The following CARS1 variants were observed in gnomAD, a reference collection of about 807,000 sequenced individuals.
CARS1 encodes cysteinyl-tRNA synthetase 1.
CARS1 carries 48 observed loss-of-function variants against 106.2 expected under a neutral mutation model. The ratio of observed to expected loss-of-function variants is 0.45; its 90% confidence interval spans 0.36 to 0.57. The LOEUF (loss-of-function observed/expected upper bound fraction) is 0.57, where lower values mean the gene tolerates loss of function less well. CARS1 is among the 20% of genes least tolerant of loss of function. CARS1 has a pLI of 0.00. For missense variants in CARS1, 968 were observed against 1,057.2 expected (o/e 0.92, Z 1.17); for synonymous variants, 409 against 403.4 (o/e 1.01, Z -0.17).
chr11:3,055,165 ATT>A (rs369101566), intron 1 of CARS1: 491 of 466,960 alleles, frequency 1.1e-3, no homozygotes, highest in Middle Eastern at 2.4e-3. Flanking sequence ...TTACGATTGG[ATT>A]TTTTTTTTTT....
Position 3,046,331 on chromosome 11 carries a change from GC to G in CARS1, c.274+1421del, listed in dbSNP as rs1257431760. On this transcript the variant is annotated intron_variant, in intron 2 of 22. Transcript: ENST00000380525. The surrounding 1 kb of genome is among the most constrained non-coding windows in gnomAD (Gnocchi z 5.8). ...GGCCCGCTTCACCCTCCCTAATCCT[GC>G]CCCCCTCTGGCTGTGTCTTGGAATG... 2.0e-5 allele frequency among the ~76,000 whole-genome samples: 3 copies of G among 152,112 alleles called. No homozygotes were observed. The highest frequency in any genetic ancestry group is 7.2e-5 in the African/African-American group (3 of 41,402).
chr11:3,004,494 C>G lies in CARS1; in HGVS notation c.2217+872G>C, dbSNP rs559683218. Among the ~76,000 whole-genome samples, 1 of 152,328 alleles carries G rather than the reference C, an allele frequency of 6.6e-6. No homozygotes were observed. The highest frequency in any genetic ancestry group is 2.1e-4 in the South Asian group (1 of 4,830). On this transcript the variant is annotated intron_variant, in intron 20 of 22. Coordinates refer to ENST00000380525, the MANE Select transcript of CARS1 (RefSeq NM_001014437.3). This position sits in a 1 kb window ranked among gnomAD's most constrained non-coding sequence, Gnocchi z 5.2. ...CCAAACTCGCCCTCCACGGTGGTCT[C>G]CTGCTTTAAGCCTCTTGGGGACCCA...
In CARS1 at chr11:3,040,708, A is replaced by T. The variant is rs1247774884; in HGVS notation, c.455+188T>A. On this transcript the variant is annotated intron_variant, in intron 4 of 22. Coordinates refer to ENST00000380525, the MANE Select transcript of CARS1 (RefSeq NM_001014437.3). This position sits in a 1 kb window ranked among gnomAD's most constrained non-coding sequence, Gnocchi z 5.8. The stretch of plus-strand genomic sequence containing the variant: ...TGTAGTCTTTCTGCAGTGAATATAG[A>T]TTACTTATGGCATTAAAATTTTCAT... 4 of 683,514 alleles carry T rather than the reference A, an allele frequency of 5.9e-6. No individual in the cohort carries two copies. The African/African-American group carries it at 7.2e-5, about 12-fold the overall frequency. 42.3% of individuals were successfully genotyped at this position (683,514 alleles called of 1,614,324 possible).
In CARS1 at chr11:3,027,828, G is replaced by GTTT. The variant is rs536323059; in HGVS notation, c.1032-1032_1032-1031insAAA. The GTTT allele has an allele frequency of 2.5e-3, 1,152 of 454,820 alleles. 8 individuals carry two copies. Among genetic ancestry groups the GTTT allele is most frequent in the Middle Eastern group, 6.7e-3 (14 of 2,100 alleles). 28.2% of individuals were successfully genotyped at this position (454,820 alleles called of 1,614,324 possible). On this transcript the variant is annotated intron_variant, in intron 9 of 22. Transcript: ENST00000380525. ...AAGCGGACTGTGGTCTAGCGGTAGCGTAAGTGTCAAGGAAAAACACCCGCT... is the reference window on the plus strand; with the variant it reads ...AAGCGGACTGTGGTCTAGCGGTAGCGTTTTAAGTGTCAAGGAAAAACACCCGCT...
At chr11:3,018,046 TG>T in intron 14 of CARS1, 92 bp from the exon 15 acceptor site, 3 of 825,530 alleles carry the variant, frequency 3.6e-6, no homozygotes, top group Non-Finnish European at 5.9e-6. Flanking sequence ...ATTTTATTTT[TG>T]GTAAAAATCT....
In CARS1 at chr11:3,045,118, C is replaced by T. The variant is rs1272466121; in HGVS notation, c.274+2635G>A. On this transcript the variant is annotated intron_variant, in intron 2 of 22. Coordinates refer to ENST00000380525, the MANE Select transcript of CARS1 (RefSeq NM_001014437.3). This position sits in a 1 kb window ranked among gnomAD's most constrained non-coding sequence, Gnocchi z 5.6. ...GGCTGGAAGGGCTGAGCCTCCACTG[C>T]GGGTGAGAAGTGCTCAACAAGTTCA... 1.3e-5 allele frequency among the ~76,000 whole-genome samples: 2 copies of T among 152,106 alleles called. No individual in the cohort carries two copies. Among genetic ancestry groups the T allele is most frequent in the African/African-American group, 2.4e-5 (1 of 41,414 alleles).
Position 3,037,949 on chromosome 11 carries a change from A to C in CARS1, c.801+101T>G, listed in dbSNP as rs907568861. ...CTACTGGAGACACAGAGTGTCTTCCACTAAGACAATCTGTGGAATCAATCC... is the reference window on the plus strand; with the variant it reads ...CTACTGGAGACACAGAGTGTCTTCCCCTAAGACAATCTGTGGAATCAATCC... On this transcript the variant is annotated intron_variant, in intron 7 of 22. Transcript: ENST00000380525. This position sits in a 1 kb window ranked among gnomAD's most constrained non-coding sequence, Gnocchi z 5.9. The C allele has an allele frequency of 8.1e-7, 1 of 1,231,966 alleles. No individual in the cohort carries two copies. The highest frequency in any genetic ancestry group is 1.5e-5 in the African/African-American group (1 of 66,662). The allele number at this position is 1,231,966 out of a possible 1,614,324, so 76.3% of individuals were successfully genotyped here.
chr11:3,019,435 C>T lies in CARS1; in HGVS notation c.1267-168G>A, dbSNP rs191854439. Among the ~76,000 whole-genome samples the T allele has an allele frequency of 3.9e-5, 6 of 152,318 alleles. No homozygotes were observed. Among genetic ancestry groups the T allele is most frequent in the Admixed American group, 3.9e-4 (6 of 15,296 alleles). ...GGAAGGCTGGGCGAGATGGCTCACA[C>T]CTGTAATCCCAGCACTTTGCGATGC... On this transcript the variant is annotated intron_variant, in intron 11 of 22. Coordinates refer to ENST00000380525, the MANE Select transcript of CARS1 (RefSeq NM_001014437.3). The surrounding 1 kb of genome is among the most constrained non-coding windows in gnomAD (Gnocchi z 6.2).
Position 3,038,627 on chromosome 11 carries a change from T to G in CARS1, c.652-428A>C, listed in dbSNP as rs1481133222. ...TTATTCCTGTTTTTAATTCCAGAGA[T>G]AAAATGCCATAAGCATATCCATAAT... is the stretch of plus-strand genomic sequence containing the variant. On this transcript the variant is annotated intron_variant, in intron 6 of 22. Coordinates refer to ENST00000380525, the MANE Select transcript of CARS1 (RefSeq NM_001014437.3). This position sits in a 1 kb window ranked among gnomAD's most constrained non-coding sequence, Gnocchi z 4.0. 6.6e-6 allele frequency among the ~76,000 whole-genome samples: 1 copy of G among 152,194 alleles called. No individual in the cohort carries two copies. Among genetic ancestry groups the G allele is most frequent in the East Asian group, 1.9e-4 (1 of 5,206 alleles).
At chr11:3,047,265 A>G (rs1277860398) in intron 2 of CARS1, among the ~76,000 whole-genome samples, 2 of 143,016 alleles carry the variant, frequency 1.4e-5, no homozygotes, top group Non-Finnish European at 3.0e-5. Flanking sequence ...CGATAGAGCG[A>G]GACTCCATCT....
Position 3,019,279 on chromosome 11 carries a change from C to G in CARS1, c.1267-12G>C. On this transcript the variant is annotated splice_polypyrimidine_tract_variant and intron_variant, in intron 11 of 22. Coordinates refer to ENST00000380525, the MANE Select transcript of CARS1 (RefSeq NM_001014437.3). The surrounding 1 kb of genome is among the most constrained non-coding windows in gnomAD (Gnocchi z 6.2). ...CAGCCCGGACGACCCTGGAGAAAGCCGAACACACAGTGACTGACCAGCCTA... is the reference window on the plus strand; with the variant it reads ...CAGCCCGGACGACCCTGGAGAAAGCGGAACACACAGTGACTGACCAGCCTA... 1 of 1,406,798 alleles carries G rather than the reference C, an allele frequency of 7.1e-7. No homozygotes were observed. The highest frequency in any genetic ancestry group is 9.3e-7 in the Non-Finnish European group (1 of 1,072,058). 87.1% of individuals were successfully genotyped at this position (1,406,798 alleles called of 1,614,324 possible).
rs1375951623 is a variant in CARS1 at position 3,020,768 on chromosome 11, C to G, written c.1154-436G>C. Among the ~76,000 whole-genome samples, 1 of 152,134 alleles carries G rather than the reference C, an allele frequency of 6.6e-6. No homozygotes were observed. The highest frequency in any genetic ancestry group is 1.5e-5 in the Non-Finnish European group (1 of 68,022). On this transcript the variant is annotated intron_variant, in intron 10 of 22. Transcript: ENST00000380525. The surrounding 1 kb of genome is among the most constrained non-coding windows in gnomAD (Gnocchi z 4.6). ...GGGTGGGGTCAATATGTCAAGGGCCCGCACAACTATCTGCTTATGGGTCCC... is the reference window on the plus strand; with the variant it reads ...GGGTGGGGTCAATATGTCAAGGGCCGGCACAACTATCTGCTTATGGGTCCC...
intron 21 of CARS1, 46 bp from the exon 22 acceptor site, chr11:3,002,099 G>T: frequency 7.6e-7 from 1 of 1,310,084 alleles, no homozygotes. Flanking sequence ...AGCAGCACCT[G>T]GGGCTCCGCA....
At position 3,041,255 on chromosome 11, in the gene CARS1, G is replaced by A; in HGVS notation, c.367-271C>T. ...GAGGGAGGCGATAAAGGGAATCAAT[G>A]ATTTTATTGATTGTTGAAATGCTGC... On this transcript the variant is annotated intron_variant, in intron 3 of 22. Coordinates refer to ENST00000380525, the MANE Select transcript of CARS1 (RefSeq NM_001014437.3). The surrounding 1 kb of genome is among the most constrained non-coding windows in gnomAD (Gnocchi z 4.9). The A allele has an allele frequency of 2.9e-5, 13 of 449,334 alleles. No homozygotes were observed. Among genetic ancestry groups the A allele is most frequent in the South Asian group, 5.7e-5 (2 of 34,864 alleles). The allele number at this position is 449,334 out of a possible 1,614,324, so 27.8% of individuals were successfully genotyped here.
At chr11:3,007,207 C>T in intron 18 of CARS1, 1 of 564,454 alleles carries the variant, frequency 1.8e-6, no homozygotes, top group Non-Finnish European at 3.2e-6. Context: ...AGGGGCTGTT[C>T]TGGGGGTGCA....
chr11:3,032,476 C>G (rs114458617), intron 7 of CARS1, among the ~76,000 whole-genome samples: 1 of 152,078 alleles, frequency 6.6e-6, no homozygotes, highest in Non-Finnish European at 1.5e-5. Context: ...TCAGATCTGA[C>G]GCTTCCTCCT....
rs533436334 is a variant in CARS1 at position 3,045,277 on chromosome 11, C to G, written c.274+2476G>C. ...AGCCTTTCCATTATCTCCAACCCCC[C>G]ACCCCGAGACGGAGTCTCGCTCTGT... On this transcript the variant is annotated intron_variant, in intron 2 of 22. Transcript: ENST00000380525. The surrounding 1 kb of genome is among the most constrained non-coding windows in gnomAD (Gnocchi z 5.6). Among the ~76,000 whole-genome samples the G allele has an allele frequency of 1.3e-5, 2 of 152,072 alleles. No individual in the cohort carries two copies. The highest frequency in any genetic ancestry group is 6.5e-5 in the Admixed American group (1 of 15,278).
In CARS1 at chr11:3,028,946, G is replaced by T; in HGVS notation, c.1031+50C>A. The stretch of plus-strand genomic sequence containing the variant: ...GCTCAGAGCTGGGGAGCTCCTCCCT[G>T]TGCGATGTTCTGCAGCCCTTCCCTC... On this transcript the variant is annotated intron_variant, in intron 9 of 22. Transcript: ENST00000380525. The surrounding 1 kb of genome is among the most constrained non-coding windows in gnomAD (Gnocchi z 4.4). The T allele has an allele frequency of 7.8e-7, 1 of 1,278,956 alleles. No homozygotes were observed. The highest frequency in any genetic ancestry group is 1.1e-6 in the Non-Finnish European group (1 of 875,696). 79.2% of individuals were successfully genotyped at this position (1,278,956 alleles called of 1,614,324 possible).
Position 3,050,551 on chromosome 11 carries a change from C to T in CARS1, c.26-2550G>A, listed in dbSNP as rs1855563386. ...CACCTGTAGCCAGCATGGCTCTCCC[C>T]TCACAGCCACAGGCCTCCAGCGGCC... On this transcript the variant is annotated intron_variant, in intron 1 of 22. Coordinates refer to ENST00000380525, the MANE Select transcript of CARS1 (RefSeq NM_001014437.3). This position sits in a 1 kb window ranked among gnomAD's most constrained non-coding sequence, Gnocchi z 6.3. 6.6e-6 allele frequency among the ~76,000 whole-genome samples: 1 copy of T among 152,230 alleles called. No homozygotes were observed. Among genetic ancestry groups the T allele is most frequent in the Non-Finnish European group, 1.5e-5 (1 of 68,044 alleles).
Sources: gnomAD v4.1 joint callset for allele counts (sites outside exome capture counted in the v4.1 genomes callset) on GRCh38, gnomAD v4.1.1 for gene constraint, Gnocchi (gnomAD v3.1) non-coding constraint, MANE v1.5 for transcripts, NCBI Gene and HGNC (gene_info 2026-07-23, HGNC 2026-07-21) for gene names.